The following UNC79 variants were observed in gnomAD, a reference collection of about 807,000 sequenced individuals.
The protein encoded by UNC79 is protein unc-79 homolog.
In UNC79, 37 loss-of-function variants were observed where a neutral mutation model predicts 283.1. That is an observed-to-expected ratio of 0.13 (90% CI 0.10 to 0.17). The LOEUF (loss-of-function observed/expected upper bound fraction) is 0.17. UNC79 is among the 10% of genes least tolerant of loss of function. The pLI is 1.00. For synonymous variants in UNC79, 1,107 were observed against 1,200.2 expected (o/e 0.92, Z 1.61); for missense variants, 2,272 against 3,211.1 (o/e 0.71, Z 7.07).
intron 1 of UNC79, among the ~76,000 whole-genome samples, chr14:93,388,909 C>G (rs1270493050): frequency 6.6e-6 from 1 of 152,034 alleles, no homozygotes; most frequent in Non-Finnish European, 1.5e-5. Flanking sequence ...CCAATGTATC[C>G]AGGTTGGCTT....
chr14:93,368,845 T>C (rs7142270), intron 1 of UNC79, among the ~76,000 whole-genome samples: 82,443 of 152,010 alleles, frequency 0.54, 22,924 homozygotes, highest in Admixed American at 0.65. Flanking sequence ...TTAGCAAATA[T>C]TGTAAACAAG....
chr14:93,599,347 T>C (rs1243577636), intron 24 of UNC79, among the ~76,000 whole-genome samples: 1 of 129,962 alleles, frequency 7.7e-6, no homozygotes, highest in African/African-American at 3.0e-5. Context: ...ACAGTCCACA[T>C]ACTTAAGTGT....
At position 93,617,659 on chromosome 14, in the gene UNC79, T is replaced by G. The variant is rs1293671428; in HGVS notation, c.4224+355T>G. Among the ~76,000 whole-genome samples the G allele has an allele frequency of 6.6e-6, 1 of 152,214 alleles. No individual in the cohort carries two copies. Among genetic ancestry groups the G allele is most frequent in the African/African-American group, 2.4e-5 (1 of 41,452 alleles). On this transcript the variant is annotated intron_variant, in intron 28 of 48. Coordinates refer to ENST00000555664, the Ensembl canonical transcript of UNC79. This position sits in a 1 kb window ranked among gnomAD's most constrained non-coding sequence, Gnocchi z 4.5. ...TCCACTAAAGGTTTATGCCAGATAA[T>G]TTTCTTGAAAAGAAATGTAACTATG...
chr14:93,348,043 C>T (rs930054122), intron 1 of UNC79: 1 of 1,610,084 alleles, frequency 6.2e-7, no homozygotes, highest in African/African-American at 1.3e-5. Context: ...GGCTGTTGGA[C>T]TTGTGGTGTT....
intron 4 of UNC79, among the ~76,000 whole-genome samples, chr14:93,481,513 G>C (rs924785948): frequency 6.6e-6 from 1 of 152,074 alleles, no homozygotes; most frequent in African/African-American, 2.4e-5. Context: ...AGATATAATT[G>C]TTTAAGATTA....
chr14:93,547,955 C>T (rs748090417), intron 14 of UNC79, among the ~76,000 whole-genome samples: 4 of 152,096 alleles, frequency 2.6e-5, no homozygotes, highest in African/African-American at 4.8e-5. Flanking sequence ...CACTTGCACT[C>T]CAGCCTGGGT....
chr14:93,506,982 G>A (rs367889900), intron 7 of UNC79, among the ~76,000 whole-genome samples: 1 of 152,088 alleles, frequency 6.6e-6, no homozygotes, highest in East Asian at 1.9e-4. Context: ...TCTAATTCAG[G>A]TATTCAGGTA....
intron 1 of UNC79, among the ~76,000 whole-genome samples, chr14:93,412,274 GC>G (rs1364954265): frequency 1.3e-5 from 2 of 152,060 alleles, no homozygotes; most frequent in Admixed American, 6.6e-5. Context: ...AGTGAAGCAT[GC>G]CTACAGGATA....
chr14:93,390,093 G>A (rs1416134325), intron 1 of UNC79, among the ~76,000 whole-genome samples: 1 of 152,214 alleles, frequency 6.6e-6, no homozygotes, highest in East Asian at 1.9e-4. Flanking sequence ...TTCATCCAGT[G>A]ACCTATGAGA....
intron 1 of UNC79, among the ~76,000 whole-genome samples, chr14:93,413,909 T>C (rs2055394308): frequency 1.0e-5 from 1 of 99,140 alleles, no homozygotes; most frequent in Non-Finnish European, 2.3e-5. Context: ...TTGAATTCAT[T>C]GTAGATTCTG....
intron 14 of UNC79, among the ~76,000 whole-genome samples, chr14:93,556,791 AT>A (rs1275078259): frequency 3.9e-5 from 6 of 152,180 alleles, no homozygotes; most frequent in Non-Finnish European, 7.3e-5. Context: ...TCCCCTTTTA[AT>A]TAATATCATT....
intron 4 of UNC79, among the ~76,000 whole-genome samples, chr14:93,485,041 G>C (rs977536609): frequency 6.6e-6 from 1 of 151,958 alleles, no homozygotes; most frequent in Non-Finnish European, 1.5e-5. Flanking sequence ...ACTTTTAAAG[G>C]CCTCCATTTA....
chr14:93,435,933 C>T (rs1378174803), intron 1 of UNC79, among the ~76,000 whole-genome samples: 2 of 152,162 alleles, frequency 1.3e-5, no homozygotes, highest in Non-Finnish European at 2.9e-5. Context: ...TGAAACCTTG[C>T]CTGATTGCCA....
chr14:93,658,926 T>C (rs1218750930), intron 38 of UNC79, among the ~76,000 whole-genome samples: 1 of 152,168 alleles, frequency 6.6e-6, no homozygotes, highest in Non-Finnish European at 1.5e-5. Flanking sequence ...TCTATCTCAT[T>C]AATTTTTAGG....
intron 1 of UNC79, among the ~76,000 whole-genome samples, chr14:93,388,361 TTTCC>T (rs1280865667): frequency 5.3e-5 from 8 of 152,210 alleles, no homozygotes; most frequent in Non-Finnish European, 1.0e-4. Flanking sequence ...TCCTTTCTTC[TTTCC>T]TTCCTTCCTC....
chr14:93,432,119 T>C (rs1188878791), intron 1 of UNC79, among the ~76,000 whole-genome samples: 1 of 152,256 alleles, frequency 6.6e-6, no homozygotes, highest in African/African-American at 2.4e-5. Context: ...TTGGAATGGC[T>C]ACTAAAGCCG....
chr14:93,380,481 AG>A (rs1258584954), intron 1 of UNC79, among the ~76,000 whole-genome samples: 1 of 152,170 alleles, frequency 6.6e-6, no homozygotes, highest in African/African-American at 2.4e-5. Context: ...ATTTGCTTGG[AG>A]AAATCCCCTT....
intron 1 of UNC79, among the ~76,000 whole-genome samples, chr14:93,439,158 G>A (rs1362146640): frequency 6.6e-6 from 1 of 152,022 alleles, no homozygotes; most frequent in East Asian, 1.9e-4. Flanking sequence ...ATAGAAAATA[G>A]TTTTGTCCTT....
intron 1 of UNC79, among the ~76,000 whole-genome samples, chr14:93,414,929 T>C (rs1047407762): frequency 1.3e-5 from 2 of 152,116 alleles, no homozygotes; most frequent in Non-Finnish European, 1.5e-5. Context: ...GGCTGAGACG[T>C]TGGGGTTTTC....
Sources: allele counts gnomAD v4.1 joint callset (sites outside exome capture counted in the v4.1 genomes callset), GRCh38; gene constraint gnomAD v4.1.1; non-coding constraint Gnocchi (gnomAD v3.1); transcripts MANE v1.5; gene names NCBI Gene and HGNC (gene_info 2026-07-23, HGNC 2026-07-21).